RRP9: variants seen among roughly 807,000 people sequenced by gnomAD.
The protein encoded by RRP9 is ribosomal RNA processing 9, U3 small nucleolar RNA binding protein, also known as U3 small nucleolar RNA-interacting protein 2.
In RRP9, 35 loss-of-function variants were observed where a neutral mutation model predicts 65.5. The observed-to-expected ratio is 0.53, with a 90% CI of 0.41 to 0.71. The LOEUF is 0.71. Ranked by LOEUF, RRP9 falls within the 30% of genes least tolerant of loss-of-function variation. The probability of loss-of-function intolerance (pLI) is 0.00; values close to 1 mark genes in which losing one functional copy is unlikely to be tolerated. For missense variants in RRP9, 533 were observed against 633.6 expected (o/e 0.84, Z 1.70); for synonymous variants, 254 against 245.0 (o/e 1.04, Z -0.34).
At position 51,934,384 on chromosome 3, in the gene RRP9, T is replaced by TCAG; in HGVS notation, c.1260+87_1260+88insCTG. On this transcript the variant is annotated intron_variant, in intron 13 of 14. Coordinates refer to ENST00000232888, the MANE Select transcript of RRP9 (RefSeq NM_004704.5). This position sits in a 1 kb window ranked among gnomAD's most constrained non-coding sequence, Gnocchi z 4.1. The stretch of plus-strand genomic sequence containing the variant: ...GCCCTGCCCTGAGAAGGTTCCCTTC[T>TCAG]GGCAGGAAGAAAGACCTTAAAGAGC... 1 of 1,383,940 alleles carries TCAG rather than the reference T, an allele frequency of 7.2e-7. No individual in the cohort carries two copies. The highest frequency in any genetic ancestry group is 1.4e-5 in the African/African-American group (1 of 69,354). 85.7% of individuals were successfully genotyped at this position (1,383,940 alleles called of 1,614,324 possible).
chr3:51,935,108 G>C (rs1403754648), intron 11 of RRP9, 89 bp downstream of exon 11: 9 of 1,391,050 alleles, frequency 6.5e-6, no homozygotes, highest in Non-Finnish European at 9.2e-6. Flanking sequence ...TCCCCCACTG[G>C]GGGTGCCCTG....
At position 51,934,724 on chromosome 3, in the gene RRP9, C is replaced by T. The variant is rs1422552574; in HGVS notation, c.1087G>A (p.Glu363Lys). The T allele has an allele frequency of 1.2e-6, 2 of 1,614,196 alleles. No individual in the cohort carries two copies. The highest frequency in any genetic ancestry group is 2.2e-5 in the South Asian group (2 of 91,086). Residue 363 changes from glutamate to lysine, a missense_variant, in exon 12 of 15, where the codon GAA (glutamate) becomes AAA (lysine). Glu to Lys is a moderately conservative substitution (Grantham distance 56, BLOSUM62 1). Transcript: ENST00000232888. This position sits in a 1 kb window ranked among gnomAD's most constrained non-coding sequence, Gnocchi z 4.1. ...GGCTCTCCCCGCAGCCCGTGAGCTTCACGCTGCAGGGCAAGTGGTCGCTTC... is the reference window on the plus strand; with the variant it reads ...GGCTCTCCCCGCAGCCCGTGAGCTTTACGCTGCAGGGCAAGTGGTCGCTTC... ...SKKRPLALQR[E>K]AHGLRGEPGL...
chr3:51,937,648 C>G lies in RRP9; in HGVS notation c.348+21G>C, dbSNP rs763374018. ...GATCAGCTCCACCCCCGTCCTCCCC[C>G]AACTCTCCCTCCACACTTACCACAT... On this transcript the variant is annotated intron_variant, in intron 4 of 14. Coordinates refer to ENST00000232888, the MANE Select transcript of RRP9 (RefSeq NM_004704.5). The surrounding 1 kb of genome is among the most constrained non-coding windows in gnomAD (Gnocchi z 5.0). The G allele has an allele frequency of 9.9e-6, 16 of 1,614,218 alleles. No individual in the cohort carries two copies. The Admixed American group carries it at 2.7e-4, about 27-fold the overall frequency.
chr3:51,934,879 C>T lies in RRP9; in HGVS notation c.1035-103G>A. 1 of 1,261,188 alleles carries T rather than the reference C, an allele frequency of 7.9e-7. No homozygotes were observed. Among genetic ancestry groups the T allele is most frequent in the South Asian group, 1.4e-5 (1 of 73,192 alleles). 78.1% of individuals were successfully genotyped at this position (1,261,188 alleles called of 1,614,324 possible). A position where few individuals can be genotyped will look rare whatever the true frequency, so the allele number is the denominator to read the frequency against. On this transcript the variant is annotated intron_variant, in intron 11 of 14. Coordinates refer to ENST00000232888, the MANE Select transcript of RRP9 (RefSeq NM_004704.5). This position sits in a 1 kb window ranked among gnomAD's most constrained non-coding sequence, Gnocchi z 4.1. ...CTTGAGGGGATGGATACCCCATTTCCCATGATGTGATTATTACATATTGCA... is the reference window on the plus strand; with the variant it reads ...CTTGAGGGGATGGATACCCCATTTCTCATGATGTGATTATTACATATTGCA...
At chr3:51,935,823 A>G (rs1412188849) in intron 8 of RRP9, 131 bp from the exon 9 acceptor site, 3 of 699,194 alleles carry the variant, frequency 4.3e-6, no homozygotes, top group Non-Finnish European at 5.2e-6. Flanking sequence ...TACTGCCCAC[A>G]TGCCCATCTG....
In RRP9 at chr3:51,937,397, C is replaced by A; in HGVS notation, c.391-79G>T. ...CACCAACCCCACTGCGTAGTGTTGG[C>A]CTTTCCCACCCAGGCCAGAAGGAAA... On this transcript the variant is annotated intron_variant, in intron 5 of 14. Coordinates refer to ENST00000232888, the MANE Select transcript of RRP9 (RefSeq NM_004704.5). The surrounding 1 kb of genome is among the most constrained non-coding windows in gnomAD (Gnocchi z 5.0). The A allele has an allele frequency of 6.2e-7, 1 of 1,604,330 alleles. No homozygotes were observed. The highest frequency in any genetic ancestry group is 8.5e-7 in the Non-Finnish European group (1 of 1,172,874).
intron 6 of RRP9, among the ~76,000 whole-genome samples, 197 bp downstream of exon 6, chr3:51,936,995 T>C (rs1192654790): frequency 6.6e-6 from 1 of 152,214 alleles, no homozygotes; most frequent in Non-Finnish European, 1.5e-5. Flanking sequence ...CAAAGGTCTC[T>C]AGGGACAGGG....
rs573432447 is a variant in RRP9 at position 51,934,226 on chromosome 3, G to A, written c.1260+246C>T. 2.0e-5 allele frequency among the ~76,000 whole-genome samples: 3 copies of A among 152,272 alleles called. No homozygotes were observed. Among genetic ancestry groups the A allele is most frequent in the African/African-American group, 4.8e-5 (2 of 41,548 alleles). ...CCAGCAGTACAGAATTCATCACAGGGCCAGGCCTCCATGCCTCTCCCCATG... is the reference window on the plus strand; with the variant it reads ...CCAGCAGTACAGAATTCATCACAGGACCAGGCCTCCATGCCTCTCCCCATG... On this transcript the variant is annotated intron_variant, in intron 13 of 14. Transcript: ENST00000232888. The surrounding 1 kb of genome is among the most constrained non-coding windows in gnomAD (Gnocchi z 4.1).
intron 6 of RRP9, 144 bp from the exon 7 acceptor site, chr3:51,936,699 C>G: frequency 2.4e-6 from 2 of 837,482 alleles, no homozygotes; most frequent in Non-Finnish European, 3.7e-6. Context: ...CCGTGAGCCT[C>G]CGGACAAGCT....
chr3:51,939,788 T>G (rs1699498835), intron 2 of RRP9, among the ~76,000 whole-genome samples: 1 of 152,220 alleles, frequency 6.6e-6, no homozygotes. Flanking sequence ...ACCTAAGTGG[T>G]AAGTAAGTGT....
rs1367542973 is a variant in RRP9, at chr3:51,937,816, C to T, written c.281-80G>A. 4.6e-6 allele frequency: 7 copies of T among 1,536,252 alleles called. No individual in the cohort carries two copies. The highest frequency in any genetic ancestry group is 1.7e-5 in the Admixed American group (1 of 58,298). Reference sequence around the variant, plus strand: ...CCATCCTGTCCCCATCCCACTGCCCCAGGGCTGGATAATGCAGGAAGCTCC... The same window carrying T: ...CCATCCTGTCCCCATCCCACTGCCCTAGGGCTGGATAATGCAGGAAGCTCC... On this transcript the variant is annotated intron_variant, in intron 3 of 14. Coordinates refer to ENST00000232888, the MANE Select transcript of RRP9 (RefSeq NM_004704.5). The surrounding 1 kb of genome is among the most constrained non-coding windows in gnomAD (Gnocchi z 5.0).
chr3:51,936,301 A>G lies in RRP9; in HGVS notation c.691T>C (p.Cys231Arg), dbSNP rs1173522078. The change falls in exon 8 of 15, where the codon TGC (cysteine) becomes CGC (arginine). Residue 231 changes from cysteine (C) to arginine (R), a missense_variant. Transcript: ENST00000232888. ...CCTGTGAAGGTGTACAAGTGCTGGC[A>G]GCTCTGGGCCTCCCAAATGAGAATG... is the stretch of plus-strand genomic sequence containing the variant. ...KLILIWEAQS[C>R]QHLYTFTGHR... 11 of 1,614,088 alleles carry G rather than the reference A, an allele frequency of 6.8e-6. No homozygotes were observed. The highest frequency in any genetic ancestry group is 9.3e-6 in the Non-Finnish European group (11 of 1,180,050).
chr3:51,934,373 A>C lies in RRP9; in HGVS notation c.1260+99T>G, dbSNP rs1276048707. The C allele has an allele frequency of 7.8e-7, 1 of 1,279,194 alleles. No individual in the cohort carries two copies. Among genetic ancestry groups the C allele is most frequent in the African/African-American group, 1.5e-5 (1 of 66,938 alleles). 79.2% of individuals were successfully genotyped at this position (1,279,194 alleles called of 1,614,324 possible). A position where few individuals can be genotyped will look rare whatever the true frequency, so the allele number is the denominator to read the frequency against. On this transcript the variant is annotated intron_variant, in intron 13 of 14. Coordinates refer to ENST00000232888, the MANE Select transcript of RRP9 (RefSeq NM_004704.5). The surrounding 1 kb of genome is among the most constrained non-coding windows in gnomAD (Gnocchi z 4.1). ...GCTAGGAGCTGGCCCTGCCCTGAGA[A>C]GGTTCCCTTCTGGCAGGAAGAAAGA...
At position 51,938,010 on chromosome 3, in the gene RRP9, C is replaced by A. The variant is rs1325924529; in HGVS notation, c.280+85G>T. On this transcript the variant is annotated intron_variant, in intron 3 of 14. Transcript: ENST00000232888. The stretch of plus-strand genomic sequence containing the variant: ...CCACTGGGAATCCATGTCAGTCACC[C>A]ATCAAGTGGCTGGGGCTGCAGCGGC... 8.5e-6 allele frequency: 10 copies of A among 1,169,998 alleles called. No homozygotes were observed. The East Asian group carries it at 2.4e-4, about 28-fold the overall frequency. 72.5% of individuals were successfully genotyped at this position (1,169,998 alleles called of 1,614,324 possible). A position where few individuals can be genotyped will look rare whatever the true frequency, so the allele number is the denominator to read the frequency against.
rs1203305004 is a variant in RRP9 at position 51,934,327 on chromosome 3, A to G, written c.1260+145T>C. On this transcript the variant is annotated intron_variant, in intron 13 of 14. Coordinates refer to ENST00000232888, the MANE Select transcript of RRP9 (RefSeq NM_004704.5). The surrounding 1 kb of genome is among the most constrained non-coding windows in gnomAD (Gnocchi z 4.1). ...GGGGAGCAGAGGAGGGAAAGTGGGG[A>G]GGGTTCCTGCCAGGCCCTGTGCTAG... 2 of 758,212 alleles carry G rather than the reference A, an allele frequency of 2.6e-6. No individual in the cohort carries two copies. The highest frequency in any genetic ancestry group is 4.3e-6 in the Non-Finnish European group (2 of 467,256). The allele number at this position is 758,212 out of a possible 1,614,324, so 47.0% of individuals were successfully genotyped here. A position where few individuals can be genotyped will look rare whatever the true frequency, so the allele number is the denominator to read the frequency against.
At position 51,937,040 on chromosome 3, in the gene RRP9, AC is replaced by A; in HGVS notation, c.517+151del. On this transcript the variant is annotated intron_variant, in intron 6 of 14. Coordinates refer to ENST00000232888, the MANE Select transcript of RRP9 (RefSeq NM_004704.5). This position sits in a 1 kb window ranked among gnomAD's most constrained non-coding sequence, Gnocchi z 5.0. ...GCCCCACTGCCGGGCAGCAGCTTTCACTGTCACCCAGAGAGCACTCCTAGGG... is the reference window on the plus strand; with the variant it reads ...GCCCCACTGCCGGGCAGCAGCTTTCATGTCACCCAGAGAGCACTCCTAGGG... The A allele has an allele frequency of 2.1e-6, 2 of 943,928 alleles. No homozygotes were observed. Among genetic ancestry groups the A allele is most frequent in the Non-Finnish European group, 3.2e-6 (2 of 627,412 alleles). The allele number at this position is 943,928 out of a possible 1,614,324, so 58.5% of individuals were successfully genotyped here.
chr3:51,939,300 G>A (rs767997954), intron 2 of RRP9, among the ~76,000 whole-genome samples: 23 of 152,224 alleles, frequency 1.5e-4, no homozygotes, highest in Non-Finnish European at 2.9e-4. Context: ...GGCTAGTGCT[G>A]CCCTTCCCTT....
chr3:51,939,143 T>C (rs1054179757), intron 2 of RRP9, among the ~76,000 whole-genome samples: 1 of 152,124 alleles, frequency 6.6e-6, no homozygotes, highest in Non-Finnish European at 1.5e-5. Context: ...CTCTGTCCAC[T>C]CCCCTAACCG....
rs767679203 is a variant in RRP9 at position 51,935,280 on chromosome 3, G to A, written c.972-21C>T. Reference sequence around the variant, plus strand: ...AGCCCCTGGAGAAAGGGGCTGTGAGGAGCGTGGCCCAAGCCCACCCCCAGC... The same window carrying A: ...AGCCCCTGGAGAAAGGGGCTGTGAGAAGCGTGGCCCAAGCCCACCCCCAGC... On this transcript the variant is annotated intron_variant, in intron 10 of 14. Coordinates refer to ENST00000232888, the MANE Select transcript of RRP9 (RefSeq NM_004704.5). The A allele has an allele frequency of 6.2e-6, 10 of 1,614,184 alleles. No homozygotes were observed. The East Asian group carries it at 8.9e-5, about 14-fold the overall frequency.
Sources: allele counts gnomAD v4.1 joint callset (sites outside exome capture counted in the v4.1 genomes callset), GRCh38; gene constraint gnomAD v4.1.1; non-coding constraint Gnocchi (gnomAD v3.1); transcripts MANE v1.5; gene names NCBI Gene and HGNC (gene_info 2026-07-23, HGNC 2026-07-21).